Variants in KDM4C observed in about 807,000 individuals in gnomAD.
KDM4C encodes the protein lysine-specific demethylase 4C.
KDM4C carries 81 observed loss-of-function variants against 129.3 expected under a neutral mutation model. That is an observed-to-expected ratio of 0.63 (90% CI 0.52 to 0.75). The LOEUF is 0.75. Ranked by LOEUF, KDM4C falls within the 30% of genes least tolerant of loss-of-function variation. KDM4C has a pLI of 0.00. For missense variants in KDM4C, 1,457 were observed against 1,304.0 expected, an observed-to-expected ratio of 1.12 and a Z score of -1.81; for synonymous variants, 573 against 456.1, an observed-to-expected ratio of 1.26 and a Z score of -3.26.
intron 5 of KDM4C, among the ~76,000 whole-genome samples, chr9:6,874,825 G>A (rs896273297): frequency 6.6e-6 from 1 of 151,918 alleles, no homozygotes; most frequent in East Asian, 1.9e-4. Flanking sequence ...GTGGCCTGTG[G>A]TGGCCTGTAA....
intron 17 of KDM4C, among the ~76,000 whole-genome samples, chr9:7,092,775 C>A (rs1237645614): frequency 6.6e-6 from 1 of 152,036 alleles, no homozygotes; most frequent in Non-Finnish European, 1.5e-5. Flanking sequence ...TGCCAGTGAG[C>A]CAGAACATAA....
At chr9:6,946,121 G>A (rs1049021995) in intron 8 of KDM4C, among the ~76,000 whole-genome samples, 15 of 152,026 alleles carry the variant, frequency 9.9e-5, no homozygotes, top group African/African-American at 3.6e-4. Flanking sequence ...GTAATCAAGG[G>A]GGTTAGTGGA....
At chr9:6,993,451 A>T (rs1433145133) in intron 12 of KDM4C, among the ~76,000 whole-genome samples, 2 of 152,218 alleles carry the variant, frequency 1.3e-5, no homozygotes, top group African/African-American at 4.8e-5. Context: ...TTTAAAAATT[A>T]CGCAAATGTT....
chr9:6,808,080 C>A (rs1265367544), intron 3 of KDM4C, among the ~76,000 whole-genome samples: 1 of 76,634 alleles, frequency 1.3e-5, no homozygotes, highest in Admixed American at 1.1e-4. Context: ...AAGTGAGGAG[C>A]CCCTCTGCCC....
At chr9:7,170,918 T>TAAAAAAAAA (rs59497112) in intron 21 of KDM4C, 1 of 117,048 alleles carries the variant, frequency 8.5e-6, no homozygotes, top group Non-Finnish European at 1.8e-5. Context: ...GATGAGCTAC[T>TAAAAAAAAA]AAAAAAAAAA....
At chr9:7,145,439 G>T (rs1842131277) in intron 19 of KDM4C, among the ~76,000 whole-genome samples, 1 of 152,098 alleles carries the variant, frequency 6.6e-6, no homozygotes, top group Non-Finnish European at 1.5e-5. Context: ...GATGGGGGGC[G>T]CACTCCCCTC....
intron 1 of KDM4C, among the ~76,000 whole-genome samples, chr9:6,781,728 CATTGGGCAATTCAA>C (rs544438720): frequency 7.9e-5 from 12 of 152,182 alleles, no homozygotes; most frequent in Non-Finnish European, 1.6e-4. Context: ...GGAATGTGTG[CATTGGGCAATTCAA>C]ATTTTTCATT....
At chr9:6,952,431 A>ATATATATATATATAT (rs71506090) in intron 8 of KDM4C, among the ~76,000 whole-genome samples, 1 of 138,384 alleles carries the variant, frequency 7.2e-6, no homozygotes, top group African/African-American at 2.8e-5. Context: ...ATATATATAT[A>ATATATATATATATAT]ATAATAATTA....
chr9:6,858,051 G>C (rs939338743), intron 5 of KDM4C, among the ~76,000 whole-genome samples: 2 of 150,282 alleles, frequency 1.3e-5, no homozygotes, highest in African/African-American at 4.9e-5. Context: ...AAACTCCTAA[G>C]CTCAAGCACT....
chr9:7,157,602 T>C (rs933402235), intron 19 of KDM4C, among the ~76,000 whole-genome samples: 5 of 152,242 alleles, frequency 3.3e-5, no homozygotes, highest in African/African-American at 1.2e-4. Context: ...TCTGCATCTA[T>C]TGAGATAATC....
intron 16 of KDM4C, 22 bp from the exon 17 acceptor site, chr9:7,049,070 T>C: frequency 6.4e-7 from 1 of 1,559,160 alleles, no homozygotes; most frequent in Non-Finnish European, 8.8e-7. Context: ...TTTGTTTATG[T>C]TTAATGTCTC....
intron 8 of KDM4C, among the ~76,000 whole-genome samples, chr9:6,967,439 A>AAT (rs1447680114): frequency 2.6e-5 from 4 of 151,906 alleles, no homozygotes; most frequent in African/African-American, 4.8e-5. Context: ...AAAAAAAAAA[A>AAT]AATTGTACAG....
chr9:7,061,517 A>C (rs1042274201), intron 17 of KDM4C, among the ~76,000 whole-genome samples: 6 of 150,124 alleles, frequency 4.0e-5, no homozygotes, highest in African/African-American at 1.2e-4. Context: ...AGTTAACTTG[A>C]AATATTATGA....
chr9:7,112,120 A>G (rs1449458046), intron 18 of KDM4C, among the ~76,000 whole-genome samples: 1 of 152,130 alleles, frequency 6.6e-6, no homozygotes, highest in African/African-American at 2.4e-5. Flanking sequence ...TCTTGTTTCA[A>G]GAGTTCCTCA....
At chr9:7,080,702 T>G (rs1834425861) in intron 17 of KDM4C, among the ~76,000 whole-genome samples, 2 of 152,204 alleles carry the variant, frequency 1.3e-5, no homozygotes, top group Admixed American at 1.3e-4. Flanking sequence ...AAAATATAAT[T>G]TAAGCGCACA....
At chr9:6,997,147 G>C (rs1409132889) in intron 12 of KDM4C, among the ~76,000 whole-genome samples, 2 of 152,170 alleles carry the variant, frequency 1.3e-5, no homozygotes, top group Non-Finnish European at 2.9e-5. Context: ...GGTTAAAAAA[G>C]TGTTTGGCAC....
rs202127857 is a variant in KDM4C, at chr9:6,931,493, C to CAT, written c.921+38274_921+38275dup. ...TCTGTGGATGTCAGTAAGCAATAGT[C>CAT]ATATATATATATATTTTTTTTTCAT... On this transcript the variant is annotated intron_variant, in intron 8 of 21. Coordinates refer to ENST00000381309, the MANE Select transcript of KDM4C (RefSeq NM_015061.6). Among the ~76,000 whole-genome samples the CAT allele has an allele frequency of 1.5e-3, 213 of 143,258 alleles. 3 individuals carry two copies. The highest frequency in any genetic ancestry group is 0.014 in the Middle Eastern group (4 of 288). The allele number at this position is 143,258 out of a possible 152,430, so 94.0% of individuals were successfully genotyped here. A position where few individuals can be genotyped will look rare whatever the true frequency, so the allele number is the denominator to read the frequency against.
intron 15 of KDM4C, among the ~76,000 whole-genome samples, chr9:7,024,371 A>G (rs1162905067): frequency 6.7e-6 from 1 of 148,462 alleles, no homozygotes; most frequent in Non-Finnish European, 1.5e-5. Flanking sequence ...TTTAGGGTAC[A>G]TGTGCACAAT....
chr9:7,129,217 A>C (rs1840353832), intron 19 of KDM4C, among the ~76,000 whole-genome samples: 1 of 152,196 alleles, frequency 6.6e-6, no homozygotes, highest in Non-Finnish European at 1.5e-5. Context: ...GCACTTGAAA[A>C]TTAAATGTAA....
Sources: allele counts gnomAD v4.1 joint callset (sites outside exome capture counted in the v4.1 genomes callset), GRCh38; gene constraint gnomAD v4.1.1; transcripts MANE v1.5; gene names NCBI Gene and HGNC (gene_info 2026-07-23, HGNC 2026-07-21).